EYS: variants seen among roughly 807,000 people sequenced by gnomAD.
The protein encoded by EYS is protein eyes shut homolog.
EYS carries 250 observed loss-of-function variants against 282.1 expected under a neutral mutation model. That is an observed-to-expected ratio of 0.89 (90% CI 0.80 to 0.98). The LOEUF (loss-of-function observed/expected upper bound fraction) is 0.98, where lower values mean the gene tolerates loss of function less well. Among genes scored for constraint, EYS ranks in the 50% least tolerant of loss-of-function variants. The pLI is 0.00. For missense variants in EYS, 4,016 were observed against 3,709.0 expected, an observed-to-expected ratio of 1.08 and a Z score of -2.15; for synonymous variants, 1,355 against 1,282.9, an observed-to-expected ratio of 1.06 and a Z score of -1.20.
At chr6:65,673,304 G>T (rs185600888) in intron 1 of EYS, among the ~76,000 whole-genome samples, 1 of 152,078 alleles carries the variant, frequency 6.6e-6, no homozygotes, top group Non-Finnish European at 1.5e-5. Context: ...CGTAGAGTGG[G>T]AGAGATTAAG....
At chr6:65,426,202 C>T (rs912263248) in intron 5 of EYS, among the ~76,000 whole-genome samples, 10 of 152,012 alleles carry the variant, frequency 6.6e-5, no homozygotes, top group Non-Finnish European at 1.5e-4. Context: ...TGGTTTCAAA[C>T]TTACGGCCTC....
intron 36 of EYS, among the ~76,000 whole-genome samples, chr6:63,819,663 A>G (rs1260157174): frequency 6.6e-6 from 1 of 152,210 alleles, no homozygotes; most frequent in Non-Finnish European, 1.5e-5. Context: ...GATAAATTTC[A>G]TAAGTTCAGT....
intron 2 of EYS, among the ~76,000 whole-genome samples, chr6:65,607,170 A>G (rs1215102568): frequency 6.6e-6 from 1 of 151,886 alleles, no homozygotes; most frequent in Admixed American, 6.6e-5. Flanking sequence ...TTAATTAGCT[A>G]TCAGGCATCA....
chr6:65,175,597 A>G (rs1765205924), intron 12 of EYS, among the ~76,000 whole-genome samples: 1 of 151,448 alleles, frequency 6.6e-6, no homozygotes, highest in Non-Finnish European at 1.5e-5. Context: ...TTCATAAAGC[A>G]TTTCTCACTG....
intron 2 of EYS, among the ~76,000 whole-genome samples, chr6:65,621,204 C>T (rs1187390637): frequency 3.3e-5 from 5 of 152,070 alleles, no homozygotes; most frequent in Admixed American, 2.0e-4. Flanking sequence ...CTTTGTAGGT[C>T]GCTCAGGACT....
chr6:64,999,338 A>T (rs1285400258), intron 13 of EYS, among the ~76,000 whole-genome samples: 2 of 152,232 alleles, frequency 1.3e-5, no homozygotes, highest in Admixed American at 1.3e-4. Context: ...TTTCACAGGA[A>T]AGACATGTTA....
rs538991870 is a variant in EYS, at chr6:64,704,081, A to T, written c.3444-77836T>A. On this transcript the variant is annotated intron_variant, in intron 22 of 42. Coordinates refer to ENST00000503581, the MANE Select transcript of EYS (RefSeq NM_001142800.2). ...GCATACCCTTATATGAAAGAGATTTAAAAAAAACTTCAGTGAAAAATATTT... is the reference window on the plus strand; with the variant it reads ...GCATACCCTTATATGAAAGAGATTTTAAAAAAACTTCAGTGAAAAATATTT... Among the ~76,000 whole-genome samples the T allele has an allele frequency of 6.6e-5, 10 of 151,938 alleles. No individual in the cohort carries two copies. The East Asian group carries it at 1.9e-3, about 29-fold the overall frequency.
chr6:65,602,315 GT>G (rs1765641869), intron 2 of EYS, among the ~76,000 whole-genome samples: 1 of 151,884 alleles, frequency 6.6e-6, no homozygotes, highest in African/African-American at 2.4e-5. Context: ...AGAAACACAT[GT>G]AATACATGTA....
intron 19 of EYS, among the ~76,000 whole-genome samples, chr6:64,854,202 A>G (rs569697735): frequency 5.3e-5 from 8 of 152,266 alleles, no homozygotes; most frequent in Non-Finnish European, 8.8e-5. Context: ...TGATTCCTCA[A>G]TGATCTACAA....
At chr6:65,114,549 G>A (rs1312424463) in intron 12 of EYS, among the ~76,000 whole-genome samples, 1 of 151,192 alleles carries the variant, frequency 6.6e-6, no homozygotes, top group Non-Finnish European at 1.5e-5. Context: ...GTCCTGTCTG[G>A]GATTTAGTAA....
At chr6:64,632,621 T>C (rs1767824140) in intron 22 of EYS, among the ~76,000 whole-genome samples, 2 of 152,372 alleles carry the variant, frequency 1.3e-5, no homozygotes, top group Admixed American at 6.5e-5. Flanking sequence ...GGATTCATCC[T>C]TCAGATGAAT....
chr6:65,457,108 T>TAGA (rs1292918365), intron 5 of EYS, among the ~76,000 whole-genome samples: 1 of 152,150 alleles, frequency 6.6e-6, no homozygotes, highest in Admixed American at 6.6e-5. Flanking sequence ...TAATTGCTGA[T>TAGA]AGAAGACTCT....
At chr6:65,057,786 G>T in intron 12 of EYS, 59 bp from the exon 13 acceptor site, 3 of 1,173,906 alleles carry the variant, frequency 2.6e-6, no homozygotes, top group Non-Finnish European at 3.7e-6. Flanking sequence ...GTATCAAGTC[G>T]TAATTCTTAA....
intron 35 of EYS, among the ~76,000 whole-genome samples, chr6:63,898,984 T>C (rs536395881): frequency 1.3e-5 from 2 of 152,156 alleles, no homozygotes; most frequent in Non-Finnish European, 2.9e-5. Context: ...TTCCTAGTAA[T>C]AATTACTATA....
intron 31 of EYS, among the ~76,000 whole-genome samples, chr6:64,168,190 G>C (rs1016780945): frequency 2.0e-5 from 3 of 152,188 alleles, no homozygotes; most frequent in African/African-American, 7.2e-5. Context: ...GAACCCGGGA[G>C]GGGGAGCTTG....
At chr6:65,166,128 T>C (rs1764966279) in intron 12 of EYS, among the ~76,000 whole-genome samples, 1 of 151,216 alleles carries the variant, frequency 6.6e-6, no homozygotes, top group Non-Finnish European at 1.5e-5. Context: ...GTTCATGAAT[T>C]GGAAAATTCA....
At chr6:63,812,059 A>C (rs1771061414) in intron 36 of EYS, among the ~76,000 whole-genome samples, 1 of 152,190 alleles carries the variant, frequency 6.6e-6, no homozygotes, top group Non-Finnish European at 1.5e-5. Flanking sequence ...TATTGTAGCC[A>C]AAGTGGTCTT....
chr6:64,549,649 T>C (rs1765001567), intron 26 of EYS, among the ~76,000 whole-genome samples: 1 of 152,054 alleles, frequency 6.6e-6, no homozygotes, highest in African/African-American at 2.4e-5. Flanking sequence ...TTTCAGAAGG[T>C]AGCTGACTCT....
intron 2 of EYS, among the ~76,000 whole-genome samples, chr6:65,577,413 C>T (rs999212501): frequency 2.6e-5 from 4 of 151,778 alleles, no homozygotes; most frequent in African/African-American, 4.8e-5. Flanking sequence ...TCATCTCTAT[C>T]TAAAATCAAC....
Sources: gnomAD v4.1 joint callset for allele counts (sites outside exome capture counted in the v4.1 genomes callset) on GRCh38, gnomAD v4.1.1 for gene constraint, MANE v1.5 for transcripts, NCBI Gene and HGNC (gene_info 2026-07-23, HGNC 2026-07-21) for gene names.